VPS13A: variants seen among roughly 807,000 people sequenced by gnomAD.
VPS13A encodes vacuolar protein sorting 13 homolog A.
In VPS13A, 264 loss-of-function variants were observed where a neutral mutation model predicts 390.9. That is an observed-to-expected ratio of 0.68 (90% CI 0.61 to 0.75). VPS13A has a LOEUF of 0.75. Ranked by LOEUF, VPS13A falls within the 30% of genes least tolerant of loss-of-function variation. The pLI, the probability that VPS13A is intolerant of heterozygous loss-of-function variation, is 0.00. For synonymous variants in VPS13A, 1,231 were observed against 1,227.1 expected, an observed-to-expected ratio of 1.00 and a Z score of -0.07; for missense variants, 3,409 against 3,733.9, an observed-to-expected ratio of 0.91 and a Z score of 2.27.
At chr9:77,385,220 A>G (rs1430228738) in intron 68 of VPS13A, 1 of 864,318 alleles carries the variant, frequency 1.2e-6, no homozygotes, top group Non-Finnish European at 1.4e-6. Flanking sequence ...TCTATCCCCA[A>G]ATCATATAGA....
intron 1 of VPS13A, among the ~76,000 whole-genome samples, chr9:77,194,596 A>G (rs1329420562): frequency 7.2e-5 from 11 of 152,050 alleles, no homozygotes; most frequent in Admixed American, 2.0e-4. Context: ...TGCAACCTCA[A>G]ATGTCTGTAG....
chr9:77,330,186 T>G (rs1830212172), intron 45 of VPS13A, among the ~76,000 whole-genome samples: 1 of 129,700 alleles, frequency 7.7e-6, no homozygotes, highest in African/African-American at 2.7e-5. Flanking sequence ...TGGCTAATCT[T>G]TTAATATTTT....
chr9:77,411,719 A>G (rs1404012077), intron 71 of VPS13A, among the ~76,000 whole-genome samples: 1 of 151,126 alleles, frequency 6.6e-6, no homozygotes, highest in Non-Finnish European at 1.5e-5. Flanking sequence ...CACATTCAAA[A>G]GCTAGCAGAA....
At position 77,337,780 on chromosome 9, in the gene VPS13A, C is replaced by T. The variant is rs777719453; in HGVS notation, c.6378+243C>T. On this transcript the variant is annotated intron_variant, in intron 47 of 71. Coordinates refer to ENST00000360280, the MANE Select transcript of VPS13A (RefSeq NM_033305.3). ...GTTGTATTCTTTTAGTGCTGATTTT[C>T]TTAAAAGATTGTATACTTTGTGAAG... is the stretch of plus-strand genomic sequence containing the variant. The T allele has an allele frequency of 1.1e-4, 44 of 408,152 alleles. 1 individual carries two copies. Among genetic ancestry groups the T allele is most frequent in the Non-Finnish European group, 1.8e-4 (42 of 232,174 alleles). 25.3% of individuals were successfully genotyped at this position (408,152 alleles called of 1,614,324 possible). A position where few individuals can be genotyped will look rare whatever the true frequency, so the allele number is the denominator to read the frequency against.
At chr9:77,385,770 A>G (rs1276053084) in intron 68 of VPS13A, among the ~76,000 whole-genome samples, 1 of 152,098 alleles carries the variant, frequency 6.6e-6, no homozygotes. Context: ...AGTATAAGCA[A>G]CAGGTGATTT....
intron 53 of VPS13A, among the ~76,000 whole-genome samples, chr9:77,351,683 A>G (rs1831475147): frequency 6.6e-6 from 1 of 152,148 alleles, no homozygotes; most frequent in Admixed American, 6.5e-5. Context: ...AGCCTGGCCA[A>G]TATGGTGAAA....
chr9:77,252,096 C>T, intron 21 of VPS13A, 139 bp from the exon 22 acceptor site: 1 of 732,258 alleles, frequency 1.4e-6, no homozygotes, highest in Admixed American at 2.0e-5. Context: ...TTGTATGTAC[C>T]TGAGAATGTG....
intron 1 of VPS13A, among the ~76,000 whole-genome samples, chr9:77,197,505 T>G (rs1388016012): frequency 6.6e-6 from 1 of 152,238 alleles, no homozygotes; most frequent in Non-Finnish European, 1.5e-5. Flanking sequence ...TTTATCATTA[T>G]ATAATGCCCT....
At chr9:77,280,282 G>A (rs752091932) in intron 27 of VPS13A, 44 bp downstream of exon 27, 30 of 1,481,302 alleles carry the variant, frequency 2.0e-5, no homozygotes, top group Non-Finnish European at 2.3e-5. Context: ...TAAGTATGCT[G>A]CTGAAATGTT....
At position 77,381,727 on chromosome 9, in the gene VPS13A, A is replaced by T. The variant is rs557139872; in HGVS notation, c.9078-249A>T. ...AAAGAAACTAGACAACGTAATAGGA[A>T]AAGAAAAAGCAACAATTGCTAATAT... On this transcript the variant is annotated intron_variant, in intron 67 of 71. Transcript: ENST00000360280. Among the ~76,000 whole-genome samples the T allele has an allele frequency of 1.5e-3, 226 of 152,306 alleles. 1 individual carries two copies. The highest frequency in any genetic ancestry group is 2.7e-3 in the Non-Finnish European group (187 of 68,004).
At chr9:77,199,823 A>G (rs1825218684) in intron 1 of VPS13A, 122 bp from the exon 2 acceptor site, 4 of 744,906 alleles carry the variant, frequency 5.4e-6, no homozygotes, top group Middle Eastern at 4.0e-4. Flanking sequence ...GGCAGATTAT[A>G]TTATCTGTTA....
In VPS13A at chr9:77,205,396, G is replaced by A; in HGVS notation, c.271G>A (p.Val91Met). ...AVLEEIYLLI[V>M]PSSRIKYDPL... Reference sequence around the variant, plus strand: ...ATTGGAAGAAATTTATTTACTTATAGTGCCTTCTTCTAGTAAGTTAAATTT... The same window carrying A: ...ATTGGAAGAAATTTATTTACTTATAATGCCTTCTTCTAGTAAGTTAAATTT... The change falls in exon 4 of 72, where the codon GTG (valine) becomes ATG (methionine). Residue 91 changes from valine to methionine, a missense_variant. Val to Met is a conservative substitution (Grantham distance 21). Around this residue, in one of 5 missense-constraint regions of VPS13A, gnomAD observed 2,717 missense variants for 2,917.4 expected, o/e 0.93. Transcript: ENST00000360280. The A allele has an allele frequency of 1.4e-6, 2 of 1,428,782 alleles. No homozygotes were observed. The highest frequency in any genetic ancestry group is 1.9e-6 in the Non-Finnish European group (2 of 1,074,304). The allele number at this position is 1,428,782 out of a possible 1,614,324, so 88.5% of individuals were successfully genotyped here. A position where few individuals can be genotyped will look rare whatever the true frequency, so the allele number is the denominator to read the frequency against.
At chr9:77,252,030 A>G (rs545851269) in intron 21 of VPS13A, among the ~76,000 whole-genome samples, 56 of 152,186 alleles carry the variant, frequency 3.7e-4, no homozygotes, top group African/African-American at 1.3e-3. Flanking sequence ...TGGGTAAGGT[A>G]TGTGGTTGGT....
At chr9:77,367,397 C>G (rs1246655467) in intron 61 of VPS13A, among the ~76,000 whole-genome samples, 1 of 152,160 alleles carries the variant, frequency 6.6e-6, no homozygotes. Context: ...ATAACCCTTT[C>G]AAGTAGCATC....
At position 77,182,910 on chromosome 9, in the gene VPS13A, A is replaced by G. The variant is rs190645100; in HGVS notation, c.100+5106A>G. On this transcript the variant is annotated intron_variant, in intron 1 of 71. Coordinates refer to ENST00000360280, the MANE Select transcript of VPS13A (RefSeq NM_033305.3). ...AGTGGCCACTTAGCTGGATACCGCCATGATACCAGAAGCAGTACAAAAGAT... is the reference window on the plus strand; with the variant it reads ...AGTGGCCACTTAGCTGGATACCGCCGTGATACCAGAAGCAGTACAAAAGAT... 4.5e-4 allele frequency among the ~76,000 whole-genome samples: 69 copies of G among 152,316 alleles called. 1 individual carries two copies. Among genetic ancestry groups the G allele is most frequent in the Admixed American group, 3.4e-3 (52 of 15,306 alleles).
chr9:77,385,133 C>A (rs1833626168), intron 68 of VPS13A: 1 of 958,342 alleles, frequency 1.0e-6, no homozygotes, highest in Non-Finnish European at 1.2e-6. Context: ...TTATATTTAT[C>A]ATTTTAAAGA....
intron 45 of VPS13A, among the ~76,000 whole-genome samples, chr9:77,325,038 C>A (rs187820096): frequency 7.2e-5 from 11 of 152,202 alleles, no homozygotes; most frequent in African/African-American, 2.4e-4. Context: ...TGCAGGGACA[C>A]CAAGTTAACA....
chr9:77,187,641 A>G lies in VPS13A; in HGVS notation c.100+9837A>G, dbSNP rs554943894. The stretch of plus-strand genomic sequence containing the variant: ...CACACACACACACACACACAATGTT[A>G]GCTGCTTATCAGATATATGATTTGC... On this transcript the variant is annotated intron_variant, in intron 1 of 71. Coordinates refer to ENST00000360280, the MANE Select transcript of VPS13A (RefSeq NM_033305.3). Among the ~76,000 whole-genome samples the G allele has an allele frequency of 1.2e-3, 178 of 151,916 alleles. 3 individuals are homozygous for G. The highest frequency in any genetic ancestry group is 0.01 in the Admixed American group (159 of 15,208).
At chr9:77,379,402 G>A (rs777386128) in intron 67 of VPS13A, among the ~76,000 whole-genome samples, 6 of 151,994 alleles carry the variant, frequency 3.9e-5, no homozygotes, top group African/African-American at 9.7e-5. Flanking sequence ...CACCACACCC[G>A]GCTAATTTTG....
Sources: allele counts gnomAD v4.1 joint callset (sites outside exome capture counted in the v4.1 genomes callset), GRCh38; gene constraint gnomAD v4.1.1; regional missense constraint gnomAD v4.1.1; transcripts MANE v1.5; gene names NCBI Gene and HGNC (gene_info 2026-07-23, HGNC 2026-07-21).